The following UVRAG variants were observed in gnomAD, a reference collection of about 807,000 sequenced individuals.
UVRAG encodes UV radiation resistance associated.
Under a neutral mutation model 78.0 loss-of-function variants are expected in UVRAG, and 19 were observed. The ratio of observed to expected loss-of-function variants is 0.24; its 90% confidence interval spans 0.17 to 0.36. The LOEUF is 0.36. UVRAG is among the 10% of genes least tolerant of loss of function. The probability of loss-of-function intolerance (pLI) is 1.00; values close to 1 mark genes in which losing one functional copy is unlikely to be tolerated. For synonymous variants in UVRAG, 323 were observed against 324.6 expected, an observed-to-expected ratio of 1.00 and a Z score of 0.05; for missense variants, 740 against 853.8, an observed-to-expected ratio of 0.87 and a Z score of 1.66.
intron 1 of UVRAG, among the ~76,000 whole-genome samples, chr11:75,838,557 T>TG (rs1271139757): frequency 6.6e-6 from 1 of 152,046 alleles, no homozygotes; most frequent in African/African-American, 2.4e-5. Context: ...CTTCCTATGT[T>TG]GCCCAGGCTG....
At chr11:75,903,571 C>T (rs188389934) in intron 5 of UVRAG, among the ~76,000 whole-genome samples, 146 of 152,326 alleles carry the variant, frequency 9.6e-4, no homozygotes, top group African/African-American at 3.3e-3. Flanking sequence ...CCTTCACTGC[C>T]ATTCAGCTTT....
At chr11:75,992,252 A>G (rs978898120) in intron 8 of UVRAG, among the ~76,000 whole-genome samples, 30 of 152,332 alleles carry the variant, frequency 2.0e-4, no homozygotes, top group African/African-American at 7.0e-4. Flanking sequence ...TAATTCTGAC[A>G]GCCAAGTCAG....
chr11:76,124,010 C>T (rs552278283), intron 14 of UVRAG, among the ~76,000 whole-genome samples: 2 of 151,850 alleles, frequency 1.3e-5, no homozygotes, highest in African/African-American at 4.8e-5. Flanking sequence ...GTGATCCACC[C>T]GCCTCGGCCT....
At chr11:76,040,592 T>C (rs1950629322) in intron 12 of UVRAG, among the ~76,000 whole-genome samples, 1 of 152,044 alleles carries the variant, frequency 6.6e-6, no homozygotes, top group South Asian at 2.1e-4. Context: ...AGTTTTGCTC[T>C]GTTGCCAGGC....
chr11:76,080,616 TTCTTC>T (rs1004370904), intron 13 of UVRAG, among the ~76,000 whole-genome samples: 4 of 152,194 alleles, frequency 2.6e-5, no homozygotes, highest in Non-Finnish European at 4.4e-5. Flanking sequence ...GAAACCAGTT[TTCTTC>T]TCTTAATCTA....
intron 13 of UVRAG, among the ~76,000 whole-genome samples, chr11:76,086,193 C>T (rs1951586474): frequency 6.6e-6 from 1 of 152,178 alleles, no homozygotes; most frequent in Non-Finnish European, 1.5e-5. Context: ...TGGATGCCCT[C>T]GCTTAATCAT....
intron 12 of UVRAG, among the ~76,000 whole-genome samples, chr11:76,055,902 G>C (rs1346415537): frequency 6.6e-6 from 1 of 152,044 alleles, no homozygotes; most frequent in East Asian, 1.9e-4. Context: ...GTAGAGATGG[G>C]GTTTCACTGT....
intron 6 of UVRAG, among the ~76,000 whole-genome samples, chr11:75,933,278 A>G (rs1412084684): frequency 6.6e-6 from 1 of 152,174 alleles, no homozygotes; most frequent in East Asian, 1.9e-4. Flanking sequence ...TCATCAATAA[A>G]TGATGCTGGG....
intron 8 of UVRAG, among the ~76,000 whole-genome samples, chr11:75,996,731 G>A (rs904886293): frequency 2.0e-5 from 3 of 152,134 alleles, no homozygotes; most frequent in African/African-American, 7.2e-5. Flanking sequence ...GGAACATGAA[G>A]TTCAGAGAAG....
chr11:75,911,926 G>T, intron 5 of UVRAG, 28 bp from the exon 6 acceptor site: 1 of 1,471,600 alleles, frequency 6.8e-7, no homozygotes, highest in South Asian at 1.2e-5. Context: ...GTTTGGTTTT[G>T]ATTAATTTGT....
At chr11:76,033,084 A>G (rs1482230328) in intron 12 of UVRAG, among the ~76,000 whole-genome samples, 1 of 152,334 alleles carries the variant, frequency 6.6e-6, no homozygotes, top group African/African-American at 2.4e-5. Flanking sequence ...TTCCACATGT[A>G]ACTATCTAAC....
intron 12 of UVRAG, among the ~76,000 whole-genome samples, chr11:76,039,802 G>C (rs1445871779): frequency 6.6e-6 from 1 of 152,236 alleles, no homozygotes; most frequent in African/African-American, 2.4e-5. Flanking sequence ...TTGAACCCAG[G>C]AGGCGGAGGT....
intron 12 of UVRAG, among the ~76,000 whole-genome samples, chr11:76,060,668 G>A (rs1591188568): frequency 1.3e-5 from 2 of 152,222 alleles, no homozygotes; most frequent in South Asian, 2.1e-4. Context: ...GTGGCCGGCC[G>A]GCCCTGCTGG....
chr11:76,112,730 CTTTT>C (rs10686022), intron 13 of UVRAG, among the ~76,000 whole-genome samples: 1 of 139,402 alleles, frequency 7.2e-6, no homozygotes. Flanking sequence ...TTTTTCTTTT[CTTTT>C]TTTTTTTTTG....
intron 13 of UVRAG, among the ~76,000 whole-genome samples, chr11:76,078,798 G>A (rs914987445): frequency 9.3e-5 from 14 of 150,604 alleles, no homozygotes; most frequent in South Asian, 2.1e-4. Context: ...GTGTGGTGGC[G>A]GACACCTGTA....
intron 6 of UVRAG, among the ~76,000 whole-genome samples, chr11:75,949,310 C>T (rs1303750286): frequency 6.6e-6 from 1 of 151,910 alleles, no homozygotes; most frequent in Non-Finnish European, 1.5e-5. Flanking sequence ...GGACTTTTTT[C>T]CCCCCTAATT....
intron 6 of UVRAG, among the ~76,000 whole-genome samples, chr11:75,946,866 A>G (rs1948597907): frequency 6.6e-6 from 1 of 152,300 alleles, no homozygotes; most frequent in Admixed American, 6.5e-5. Context: ...GACTGCCATA[A>G]CAAAATACCA....
intron 2 of UVRAG, among the ~76,000 whole-genome samples, chr11:75,858,222 G>A (rs7119809): frequency 0.2 from 30,655 of 151,856 alleles, 4,563 homozygotes; most frequent in African/African-American, 0.42. Context: ...CCAGCCTTCT[G>A]TCACCCTAGT....
At chr11:75,954,758 G>A (rs1225176697) in intron 6 of UVRAG, among the ~76,000 whole-genome samples, 1 of 152,188 alleles carries the variant, frequency 6.6e-6, no homozygotes, top group Non-Finnish European at 1.5e-5. Flanking sequence ...GAAAGATCTG[G>A]TGAAATAGGC....
Sources: gnomAD v4.1 joint callset for allele counts (sites outside exome capture counted in the v4.1 genomes callset) on GRCh38, gnomAD v4.1.1 for gene constraint, MANE v1.5 for transcripts, NCBI Gene and HGNC (gene_info 2026-07-23, HGNC 2026-07-21) for gene names.